PIGN: variants seen among roughly 807,000 people sequenced by gnomAD.
PIGN encodes phosphatidylinositol glycan anchor biosynthesis class N, also known as GPI ethanolamine phosphate transferase 1.
In PIGN, 117 loss-of-function variants were observed where a neutral mutation model predicts 125.4. The observed-to-expected ratio is 0.93, with a 90% CI of 0.80 to 1.09. The LOEUF (loss-of-function observed/expected upper bound fraction) is 1.09. Ranked by LOEUF, PIGN falls within the 50% of genes least tolerant of loss-of-function variation. PIGN has a pLI of 0.00. For synonymous variants in PIGN, 392 were observed against 377.8 expected (o/e 1.04, Z -0.44); for missense variants, 1,075 against 1,094.9 (o/e 0.98, Z 0.26).
intron 4 of PIGN, among the ~76,000 whole-genome samples, chr18:62,158,596 G>C (rs566722428): frequency 6.0e-4 from 92 of 152,174 alleles, no homozygotes; most frequent in Non-Finnish European, 1.2e-3. Flanking sequence ...GCTATTATAG[G>C]TGAAAGGCCA....
At chr18:62,132,334 C>T (rs539211435) in intron 14 of PIGN, among the ~76,000 whole-genome samples, 11 of 152,256 alleles carry the variant, frequency 7.2e-5, no homozygotes, top group African/African-American at 2.4e-4. Context: ...TAATGCAGAG[C>T]TAACATTTAG....
chr18:62,159,982 G>A (rs1054883264), intron 4 of PIGN, among the ~76,000 whole-genome samples: 3 of 152,038 alleles, frequency 2.0e-5, no homozygotes, highest in Admixed American at 6.6e-5. Context: ...GTGTGGTGGC[G>A]GGCGCCTGTA....
intron 25 of PIGN, among the ~76,000 whole-genome samples, chr18:62,088,055 G>A (rs1038490445): frequency 5.3e-5 from 8 of 152,168 alleles, no homozygotes; most frequent in African/African-American, 1.2e-4. Context: ...CAGTAAGTAC[G>A]TGAGGCAATC....
intron 30 of PIGN, chr18:62,072,364 T>C (rs2032929106): frequency 5.2e-6 from 1 of 193,272 alleles, no homozygotes; most frequent in South Asian, 1.8e-4. Context: ...ATGGTAAGTG[T>C]CCTAGATAGG....
At chr18:62,063,846 C>T (rs1199414243) in intron 30 of PIGN, among the ~76,000 whole-genome samples, 1 of 145,518 alleles carries the variant, frequency 6.9e-6, no homozygotes, top group African/African-American at 2.6e-5. Context: ...CCAAACACCG[C>T]ATGTTCTCAC....
Position 62,063,024 on chromosome 18 carries a change from G to A in PIGN, c.2672+9649C>T, listed in dbSNP as rs572018780. On this transcript the variant is annotated intron_variant, in intron 30 of 30. Coordinates refer to ENST00000640252, the MANE Select transcript of PIGN (RefSeq NM_176787.5). ...TATCAAGAGGAACATCATGATAGAC[G>A]TTAAATGCAAGCTTGCACTAGCTCT... is the stretch of plus-strand genomic sequence containing the variant. 4.6e-5 allele frequency among the ~76,000 whole-genome samples: 7 copies of A among 150,560 alleles called. No individual in the cohort carries two copies. In the South Asian group the frequency reaches 8.4e-4, roughly 18 times the overall value.
rs1217364448 is a variant in PIGN, at chr18:62,102,804, T to G, written c.1958A>C (p.His653Pro). 1.3e-5 allele frequency: 20 copies of G among 1,492,742 alleles called. No homozygotes were observed. Among genetic ancestry groups the G allele is most frequent in the Non-Finnish European group, 1.7e-5 (19 of 1,089,394 alleles). 92.5% of individuals were successfully genotyped at this position (1,492,742 alleles called of 1,614,324 possible). ...DSFIKEELLV[H>P]LLQVLSTVLS... ...AAATCTGTAACTGACCTGTAACAGATGTACCAATAGCTCTTCCTTTATAAA... is the reference window on the plus strand; with the variant it reads ...AAATCTGTAACTGACCTGTAACAGAGGTACCAATAGCTCTTCCTTTATAAA... The change falls in exon 21 of 31, where the codon CAT (histidine) becomes CCT (proline). Residue 653 changes from histidine (H) to proline (P), a missense_variant. His to Pro is a moderately conservative substitution (Grantham distance 77). Transcript: ENST00000640252.
At chr18:62,059,594 A>G (rs2145367703) in intron 30 of PIGN, among the ~76,000 whole-genome samples, 1 of 152,346 alleles carries the variant, frequency 6.6e-6, no homozygotes, top group South Asian at 2.1e-4. Context: ...AATGTCCACA[A>G]TAGGCAAATC....
chr18:62,046,754 T>C (rs2030741474), intron 30 of PIGN, among the ~76,000 whole-genome samples: 1 of 152,152 alleles, frequency 6.6e-6, no homozygotes, highest in South Asian at 2.1e-4. Flanking sequence ...AGAAAGTCTG[T>C]ACATGTTCAG....
chr18:62,070,583 C>T (rs1319472222), intron 30 of PIGN: 5 of 396,870 alleles, frequency 1.3e-5, no homozygotes. Flanking sequence ...CCTGGCAACA[C>T]AAAGTGATGA....
At chr18:62,038,148 T>C (rs2030284306), downstream of PIGN, among the ~76,000 whole-genome samples, 1 of 152,188 alleles carries the variant, frequency 6.6e-6, no homozygotes, top group South Asian at 2.1e-4. Flanking sequence ...ATCGGAGGGA[T>C]AAAGTCTGAA....
intron 30 of PIGN, chr18:62,052,974 C>T (rs2031438750): frequency 2.6e-6 from 1 of 383,208 alleles, no homozygotes. Context: ...AGAAATAAAA[C>T]AATAAAGAAA....
chr18:62,148,732 C>T (rs2036426380), intron 7 of PIGN, among the ~76,000 whole-genome samples: 1 of 152,080 alleles, frequency 6.6e-6, no homozygotes, highest in East Asian at 1.9e-4. Flanking sequence ...TATTTCAGAA[C>T]TGGACCACTT....
chr18:62,126,153 C>T (rs984117147), intron 14 of PIGN, among the ~76,000 whole-genome samples: 20 of 152,160 alleles, frequency 1.3e-4, no homozygotes, highest in African/African-American at 4.8e-4. Flanking sequence ...CAAACAAAAG[C>T]AGTTTCAAAA....
chr18:62,075,908 G>T (rs1472099476), intron 28 of PIGN: 1 of 152,002 alleles, frequency 6.6e-6, no homozygotes, highest in Admixed American at 6.6e-5. Flanking sequence ...AACTGTTCTG[G>T]TAAGTGTGTA....
chr18:62,108,894 G>A (rs2034761955), intron 17 of PIGN, among the ~76,000 whole-genome samples: 1 of 152,046 alleles, frequency 6.6e-6, no homozygotes, highest in African/African-American at 2.4e-5. Flanking sequence ...AGCCAACTCC[G>A]AAATATTTTT....
chr18:62,053,262 GTA>G, intron 30 of PIGN, among the ~76,000 whole-genome samples: 1 of 152,094 alleles, frequency 6.6e-6, no homozygotes, highest in South Asian at 2.1e-4. Flanking sequence ...GATTAGCTAT[GTA>G]TATATAATAC....
chr18:62,152,253 G>C (rs2036563876), intron 7 of PIGN, among the ~76,000 whole-genome samples: 1 of 152,126 alleles, frequency 6.6e-6, no homozygotes, highest in African/African-American at 2.4e-5. Flanking sequence ...GAACCCTTCA[G>C]ATAGTAGGCT....
At chr18:62,142,012 C>T (rs189669735) in intron 11 of PIGN, among the ~76,000 whole-genome samples, 2 of 152,176 alleles carry the variant, frequency 1.3e-5, no homozygotes, top group Non-Finnish European at 2.9e-5. Context: ...TCTCAGGAAG[C>T]CTTTGCTGAC....
Sources: allele counts gnomAD v4.1 joint callset (sites outside exome capture counted in the v4.1 genomes callset), GRCh38; gene constraint gnomAD v4.1.1; transcripts MANE v1.5; gene names NCBI Gene and HGNC (gene_info 2026-07-23, HGNC 2026-07-21).